Variants in DTNBP1 observed in about 807,000 individuals in gnomAD.
DTNBP1 encodes the protein dysbindin.
DTNBP1 carries 35 observed loss-of-function variants against 42.8 expected under a neutral mutation model. That is an observed-to-expected ratio of 0.82 (90% CI 0.63 to 1.09). The LOEUF (loss-of-function observed/expected upper bound fraction) is 1.09. Ranked by LOEUF, DTNBP1 falls within the 50% of genes least tolerant of loss-of-function variation. The pLI, the probability that DTNBP1 is intolerant of heterozygous loss-of-function variation, is 0.00. For missense variants in DTNBP1, 457 were observed against 424.2 expected, an observed-to-expected ratio of 1.08 and a Z score of -0.68; for synonymous variants, 171 against 162.2, an observed-to-expected ratio of 1.05 and a Z score of -0.41.
intron 6 of DTNBP1, among the ~76,000 whole-genome samples, chr6:15,598,410 A>G (rs1776595212): frequency 6.6e-6 from 1 of 152,160 alleles, no homozygotes; most frequent in African/African-American, 2.4e-5. Context: ...TCAAAACACC[A>G]ACTGCAAATT....
At chr6:15,630,321 G>C (rs975572573) in intron 4 of DTNBP1, among the ~76,000 whole-genome samples, 1 of 152,148 alleles carries the variant, frequency 6.6e-6, no homozygotes. Flanking sequence ...TCTGCCCAAG[G>C]TCAACAGGTA....
At chr6:15,660,167 T>C (rs1761521308) in intron 1 of DTNBP1, among the ~76,000 whole-genome samples, 3 of 152,192 alleles carry the variant, frequency 2.0e-5, no homozygotes, top group Non-Finnish European at 4.4e-5. Flanking sequence ...GATATCAGCA[T>C]TGCATTTATG....
intron 7 of DTNBP1, among the ~76,000 whole-genome samples, chr6:15,582,331 G>C (rs6459408): frequency 0.66 from 99,998 of 151,992 alleles, 33,711 homozygotes; most frequent in East Asian, 0.92. Flanking sequence ...ATGCTTACTA[G>C]CTGGGTGACT....
chr6:15,630,572 T>C lies in DTNBP1; in HGVS notation c.223-3097A>G, dbSNP rs73724450. ...CCCTAAGTATTAACTATTTATGGTA[T>C]TTTTTTAATACACTGCTAAAGGAGA... is the stretch of plus-strand genomic sequence containing the variant. On this transcript the variant is annotated intron_variant, in intron 4 of 9. Coordinates refer to ENST00000344537, the MANE Select transcript of DTNBP1 (RefSeq NM_032122.5). Among the ~76,000 whole-genome samples, 943 of 151,916 alleles carry C rather than the reference T, an allele frequency of 6.2e-3. 15 individuals carry two copies. Among genetic ancestry groups the C allele is most frequent in the African/African-American group, 0.022 (904 of 41,332 alleles).
chr6:15,542,814 CCCGAGTAG>C (rs1164512752), intron 7 of DTNBP1, among the ~76,000 whole-genome samples: 33 of 152,084 alleles, frequency 2.2e-4, no homozygotes, highest in African/African-American at 7.2e-5. Flanking sequence ...GTCTCAGCCT[CCCGAGTAG>C]CCGAGTAGCT....
intron 7 of DTNBP1, among the ~76,000 whole-genome samples, chr6:15,538,861 T>C (rs1481127383): frequency 3.9e-5 from 6 of 152,216 alleles, no homozygotes; most frequent in Non-Finnish European, 7.3e-5. Context: ...ACCCAAGGCA[T>C]TGTTTCCTCT....
At chr6:15,662,481 G>C (rs761250270) in intron 1 of DTNBP1, among the ~76,000 whole-genome samples, 1 of 152,190 alleles carries the variant, frequency 6.6e-6, no homozygotes, top group Admixed American at 6.5e-5. Context: ...AGGCGCGCTG[G>C]CTTCTCACAT....
rs58633601 is a variant in DTNBP1 at position 15,627,790 on chromosome 6, G to GA, written c.223-316dup. On this transcript the variant is annotated intron_variant, in intron 4 of 9. Coordinates refer to ENST00000344537, the MANE Select transcript of DTNBP1 (RefSeq NM_032122.5). Reference sequence around the variant, plus strand: ...CCATGTATTTGAAAAGCTAAATCTAGAAAAAAAAAAAACAAAAACAAAAAA... The same window carrying GA: ...CCATGTATTTGAAAAGCTAAATCTAGAAAAAAAAAAAAACAAAAACAAAAAA... 0.013 allele frequency among the ~76,000 whole-genome samples: 1,536 copies of GA among 114,066 alleles called. 4 individuals carry two copies. Among genetic ancestry groups the GA allele is most frequent in the Non-Finnish European group, 0.022 (1,113 of 50,496 alleles). The allele number at this position is 114,066 out of a possible 152,430, so 74.8% of individuals were successfully genotyped here. A position where few individuals can be genotyped will look rare whatever the true frequency, so the allele number is the denominator to read the frequency against.
intron 6 of DTNBP1, among the ~76,000 whole-genome samples, chr6:15,607,192 G>A (rs936134919): frequency 1.3e-5 from 2 of 152,010 alleles, no homozygotes; most frequent in Non-Finnish European, 2.9e-5. Context: ...TGTATTTTTA[G>A]TGGAGACAGG....
chr6:15,585,939 G>A lies in DTNBP1; in HGVS notation c.511+7120C>T. 12 of 1,368,616 alleles carry A rather than the reference G, an allele frequency of 8.8e-6. 2 individuals carry two copies. In the South Asian group the frequency reaches 2.2e-4, roughly 25 times the overall value. 84.8% of individuals were successfully genotyped at this position (1,368,616 alleles called of 1,614,324 possible). A position where few individuals can be genotyped will look rare whatever the true frequency, so the allele number is the denominator to read the frequency against. On this transcript the variant is annotated intron_variant, in intron 7 of 9. Transcript: ENST00000344537. ...TAAGCCTATTAGTTTTTTGCTGATGGCTTAAGCAGATATACATTGGAATCT... is the reference window on the plus strand; with the variant it reads ...TAAGCCTATTAGTTTTTTGCTGATGACTTAAGCAGATATACATTGGAATCT...
chr6:15,544,455 T>C (rs1773759178), intron 7 of DTNBP1, among the ~76,000 whole-genome samples: 1 of 152,208 alleles, frequency 6.6e-6, no homozygotes, highest in Non-Finnish European at 1.5e-5. Flanking sequence ...ATACGGTAAG[T>C]TCATTTTTCG....
chr6:15,532,719 T>TTG (rs1772940607), intron 8 of DTNBP1, among the ~76,000 whole-genome samples: 1 of 145,190 alleles, frequency 6.9e-6, no homozygotes, highest in Non-Finnish European at 1.5e-5. Context: ...TTTTTTTTTT[T>TTG]GAGACAGTCT....
At chr6:15,618,173 A>C (rs749621008) in intron 5 of DTNBP1, among the ~76,000 whole-genome samples, 84 of 152,332 alleles carry the variant, frequency 5.5e-4, no homozygotes, top group Non-Finnish European at 9.1e-4. Context: ...AAAAATTAAA[A>C]AAAACCTATT....
intron 5 of DTNBP1, 68 bp downstream of exon 5, chr6:15,627,275 T>G (rs1320429417): frequency 6.9e-6 from 11 of 1,593,130 alleles, no homozygotes; most frequent in Non-Finnish European, 9.4e-6. Context: ...AGCTCTGAAA[T>G]TACACCAAAC....
Position 15,627,410 on chromosome 6 carries a change from C to T in DTNBP1, c.288G>A (p.Glu96=), listed in dbSNP as rs1759411511. The change falls in exon 5 of 10, where the codon GAG becomes GAA. Residue 96 remains glutamate, a synonymous_variant. Coordinates refer to ENST00000344537, the MANE Select transcript of DTNBP1 (RefSeq NM_032122.5). ...GGAGCTGCTGGAGCTGCTCTTGCAG[C>T]TCCACGAGGCTTGTCTTTTTCTTCT... ...HWEKKKTSLV[E]LQEQLQQLPA... The T allele has an allele frequency of 1.9e-6, 3 of 1,613,844 alleles. No homozygotes were observed. Among genetic ancestry groups the T allele is most frequent in the Non-Finnish European group, 2.5e-6 (3 of 1,179,988 alleles).
intron 3 of DTNBP1, among the ~76,000 whole-genome samples, chr6:15,638,939 C>G (rs1363709520): frequency 3.3e-5 from 5 of 151,438 alleles, no homozygotes; most frequent in Admixed American, 2.0e-4. Flanking sequence ...CTCAAGTGAT[C>G]CACCCACCTC....
chr6:15,573,879 G>A (rs1371422160), intron 7 of DTNBP1, among the ~76,000 whole-genome samples: 2 of 151,944 alleles, frequency 1.3e-5, no homozygotes, highest in Non-Finnish European at 2.9e-5. Context: ...GCTAATTGTT[G>A]TATTTTTAGT....
At chr6:15,641,417 T>C (rs140255889) in intron 3 of DTNBP1, among the ~76,000 whole-genome samples, 5 of 152,048 alleles carry the variant, frequency 3.3e-5, no homozygotes, top group South Asian at 2.1e-4. Flanking sequence ...CTGGCAGAGA[T>C]TGACCCTCAA....
chr6:15,658,156 T>C (rs978554973), intron 1 of DTNBP1, among the ~76,000 whole-genome samples: 1 of 152,228 alleles, frequency 6.6e-6, no homozygotes. Flanking sequence ...TAGGCAAACC[T>C]GAGCATATGG....
Sources: allele counts gnomAD v4.1 joint callset (sites outside exome capture counted in the v4.1 genomes callset), GRCh38; gene constraint gnomAD v4.1.1; transcripts MANE v1.5; gene names NCBI Gene and HGNC (gene_info 2026-07-23, HGNC 2026-07-21).